The following SEMA3C variants were observed in gnomAD, a reference collection of about 807,000 sequenced individuals.
The protein encoded by SEMA3C is semaphorin-3C.
SEMA3C carries 47 observed loss-of-function variants against 89.4 expected under a neutral mutation model. The observed-to-expected ratio is 0.53, with a 90% confidence interval of 0.42 to 0.67. SEMA3C has a LOEUF of 0.67. Among genes scored for constraint, SEMA3C ranks in the 30% least tolerant of loss-of-function variants. The pLI is 0.00. For missense variants in SEMA3C, 839 were observed against 929.1 expected (o/e 0.90, Z 1.26); for synonymous variants, 310 against 320.2 (o/e 0.97, Z 0.34).
intron 2 of SEMA3C, among the ~76,000 whole-genome samples, chr7:80,854,430 G>A (rs1790587434): frequency 6.6e-6 from 1 of 152,134 alleles, no homozygotes; most frequent in Non-Finnish European, 1.5e-5. Context: ...AACAGCATAG[G>A]TATACCTCCC....
chr7:80,889,151 C>T (rs567760926), intron 2 of SEMA3C, among the ~76,000 whole-genome samples: 1 of 152,310 alleles, frequency 6.6e-6, no homozygotes, highest in African/African-American at 2.4e-5. Flanking sequence ...GCGTAAGCCA[C>T]CACGCTCGGC....
chr7:80,843,530 G>GA lies in SEMA3C; in HGVS notation c.104-14786dup, dbSNP rs528146340. Among the ~76,000 whole-genome samples, 17 of 151,974 alleles carry GA rather than the reference G, an allele frequency of 1.1e-4. No homozygotes were observed. In the South Asian group the frequency reaches 3.1e-3, roughly 28 times the overall value. On this transcript the variant is annotated intron_variant, in intron 2 of 17. Transcript: ENST00000265361. ...GCCTAAGTGTTCCCACATGCATGAAGAAAAAAATACCTATCTCATGGGACC... is the reference window on the plus strand; with the variant it reads ...GCCTAAGTGTTCCCACATGCATGAAGAAAAAAAATACCTATCTCATGGGACC...
intron 9 of SEMA3C, 96 bp from the exon 10 acceptor site, chr7:80,800,922 A>G: frequency 1.5e-6 from 1 of 678,100 alleles, no homozygotes; most frequent in Non-Finnish European, 2.4e-6. Context: ...TCTGAAAAGT[A>G]CTCTGCAAAA....
At chr7:80,821,447 T>A (rs1298323894) in intron 4 of SEMA3C, among the ~76,000 whole-genome samples, 2 of 152,106 alleles carry the variant, frequency 1.3e-5, no homozygotes, top group Admixed American at 1.3e-4. Flanking sequence ...GGCGACAGAG[T>A]GTCGCTCTGC....
chr7:80,862,663 T>C (rs1016688273), intron 2 of SEMA3C, among the ~76,000 whole-genome samples: 4 of 152,068 alleles, frequency 2.6e-5, no homozygotes, highest in Admixed American at 2.6e-4. Context: ...AGAACAAATC[T>C]TGAGGAATCA....
chr7:80,872,081 T>C (rs890065854), intron 2 of SEMA3C, among the ~76,000 whole-genome samples: 9 of 152,152 alleles, frequency 5.9e-5, no homozygotes, highest in African/African-American at 1.2e-4. Flanking sequence ...TGCAATGTTA[T>C]AAAAATAAGG....
At chr7:80,877,776 A>G (rs1157358949) in intron 2 of SEMA3C, among the ~76,000 whole-genome samples, 1 of 152,164 alleles carries the variant, frequency 6.6e-6, no homozygotes, top group African/African-American at 2.4e-5. Context: ...TAAGGATTTT[A>G]TATTTTTAAT....
At chr7:80,788,478 G>C (rs937528560) in intron 12 of SEMA3C, among the ~76,000 whole-genome samples, 4 of 152,140 alleles carry the variant, frequency 2.6e-5, no homozygotes, top group African/African-American at 9.7e-5. Flanking sequence ...TTCATCCCTA[G>C]AATTTTGGAA....
intron 12 of SEMA3C, among the ~76,000 whole-genome samples, chr7:80,785,381 T>C (rs901461472): frequency 2.6e-5 from 4 of 152,202 alleles, no homozygotes; most frequent in Non-Finnish European, 5.9e-5. Context: ...TCCATGATGA[T>C]ACAGAAGAAA....
chr7:80,800,808 T>C lies in SEMA3C; in HGVS notation c.935A>G (p.Glu312Gly), dbSNP rs765647076. ...FDELEDVFLLETDNPRTTLVY... is the reference protein window; with the variant it reads ...FDELEDVFLLGTDNPRTTLVY... Reference sequence around the variant, plus strand: ...TAGTGTTGTCCTCGGGTTATCAGTTTCCAGCAGAAACACATCCTCTATAAA... The same window carrying C: ...TAGTGTTGTCCTCGGGTTATCAGTTCCCAGCAGAAACACATCCTCTATAAA... Residue 312 changes from glutamate (E) to glycine (G), a missense_variant, in exon 10 of 18, where the codon GAA becomes GGA. By Grantham distance (98) the Glu-to-Gly change is moderately conservative. Coordinates refer to ENST00000265361, the MANE Select transcript of SEMA3C (RefSeq NM_006379.5). 12 of 1,518,104 alleles carry C rather than the reference T, an allele frequency of 7.9e-6. No homozygotes were observed. The South Asian group carries it at 1.6e-4, about 20-fold the overall frequency. The allele number at this position is 1,518,104 out of a possible 1,614,324, so 94.0% of individuals were successfully genotyped here.
intron 2 of SEMA3C, among the ~76,000 whole-genome samples, chr7:80,837,498 C>T (rs1195957797): frequency 6.6e-6 from 1 of 152,108 alleles, no homozygotes; most frequent in East Asian, 1.9e-4. Context: ...TTAACATGGC[C>T]CTCCAGGCCT....
chr7:80,843,416 T>C (rs1469695238), intron 2 of SEMA3C, among the ~76,000 whole-genome samples: 1 of 152,174 alleles, frequency 6.6e-6, no homozygotes, highest in Non-Finnish European at 1.5e-5. Context: ...TGGAACAAAG[T>C]CTGGCTTTTG....
At chr7:80,825,994 AT>A (rs1789864113) in intron 4 of SEMA3C, among the ~76,000 whole-genome samples, 1 of 151,994 alleles carries the variant, frequency 6.6e-6, no homozygotes, top group East Asian at 1.9e-4. Flanking sequence ...TGGATAGCAA[AT>A]ATGCCCCTGC....
intron 12 of SEMA3C, among the ~76,000 whole-genome samples, chr7:80,779,531 CT>C (rs1277383312): frequency 8.5e-5 from 13 of 152,126 alleles, no homozygotes; most frequent in Admixed American, 4.6e-4. Context: ...TTTCTAACCC[CT>C]GTCTTAATTT....
rs372831405 is a variant in SEMA3C at position 80,789,297 on chromosome 7, A to T, written c.1354+9T>A. 2.4e-4 allele frequency: 386 copies of T among 1,609,186 alleles called. 1 individual carries two copies. The African/African-American group carries it at 4.3e-3, about 18-fold the overall frequency. On this transcript the variant is annotated intron_variant, in intron 12 of 17. Coordinates refer to ENST00000265361, the MANE Select transcript of SEMA3C (RefSeq NM_006379.5). ...CACATTAAAGCATATCTTGGGCTCA[A>T]ATATTTACCTGTTCCGAGAAACAGG...
chr7:80,761,966 G>A (rs1279970313), intron 13 of SEMA3C, among the ~76,000 whole-genome samples: 2 of 151,830 alleles, frequency 1.3e-5, no homozygotes, highest in Non-Finnish European at 2.9e-5. Context: ...GTGGGCACCT[G>A]TAATCCCAGC....
chr7:80,902,288 A>G (rs1427602400), intron 2 of SEMA3C, among the ~76,000 whole-genome samples: 1 of 152,190 alleles, frequency 6.6e-6, no homozygotes, highest in East Asian at 1.9e-4. Context: ...TAAAGATGAC[A>G]TATCCTTTCT....
At chr7:80,763,921 G>A (rs1481413429) in intron 13 of SEMA3C, among the ~76,000 whole-genome samples, 2 of 152,048 alleles carry the variant, frequency 1.3e-5, no homozygotes, top group Non-Finnish European at 2.9e-5. Flanking sequence ...TTATGAGCCC[G>A]ATTTTAACAC....
chr7:80,914,247 C>T (rs1247500142), intron 2 of SEMA3C, among the ~76,000 whole-genome samples: 14 of 152,118 alleles, frequency 9.2e-5, no homozygotes, highest in Admixed American at 3.3e-4. Context: ...CTCTTAAATA[C>T]ATTAACCCCA....
Sources: allele counts gnomAD v4.1 joint callset (sites outside exome capture counted in the v4.1 genomes callset), GRCh38; gene constraint gnomAD v4.1.1; transcripts MANE v1.5; gene names NCBI Gene and HGNC (gene_info 2026-07-23, HGNC 2026-07-21).